The following EXOC6B variants were observed in gnomAD, a reference collection of about 807,000 sequenced individuals.
EXOC6B encodes the protein SEC15 homolog B.
Under a neutral mutation model 113.5 loss-of-function variants are expected in EXOC6B, and 54 were observed. The observed-to-expected ratio is 0.48, with a 90% CI of 0.38 to 0.60. The LOEUF is 0.60. Ranked by LOEUF, EXOC6B falls within the 20% of genes least tolerant of loss-of-function variation. The pLI is 0.00. For synonymous variants in EXOC6B, 357 were observed against 339.0 expected (o/e 1.05, Z -0.58); for missense variants, 797 against 977.5 (o/e 0.82, Z 2.46).
intron 11 of EXOC6B, among the ~76,000 whole-genome samples, chr2:72,508,652 T>G (rs928217613): frequency 1.3e-5 from 2 of 152,044 alleles, no homozygotes; most frequent in Non-Finnish European, 2.9e-5. Flanking sequence ...CAGGCACCTG[T>G]AATTCCAGCT....
intron 20 of EXOC6B, among the ~76,000 whole-genome samples, chr2:72,315,947 C>T (rs1687489627): frequency 6.6e-6 from 1 of 152,144 alleles, no homozygotes; most frequent in Non-Finnish European, 1.5e-5. Context: ...ATCAGTCTTA[C>T]TCAAAACTCC....
intron 18 of EXOC6B, among the ~76,000 whole-genome samples, chr2:72,405,237 G>T (rs780664851): frequency 4.6e-5 from 7 of 152,224 alleles, no homozygotes; most frequent in African/African-American, 1.4e-4. Flanking sequence ...TGGTGTACTT[G>T]AAAGTGACAG....
chr2:72,669,122 T>A (rs753231659), intron 6 of EXOC6B, among the ~76,000 whole-genome samples: 2 of 151,898 alleles, frequency 1.3e-5, no homozygotes, highest in Non-Finnish European at 2.9e-5. Flanking sequence ...ATAAATTCTA[T>A]TAGTTTAAAG....
chr2:72,695,177 GA>G (rs1270956679), intron 6 of EXOC6B, among the ~76,000 whole-genome samples: 1 of 152,192 alleles, frequency 6.6e-6, no homozygotes. Flanking sequence ...CATGGAAGAA[GA>G]ATTCTCTTTA....
At chr2:72,683,909 C>G (rs913003124) in intron 6 of EXOC6B, among the ~76,000 whole-genome samples, 12 of 152,150 alleles carry the variant, frequency 7.9e-5, no homozygotes, top group African/African-American at 2.7e-4. Flanking sequence ...AGATAATTCT[C>G]TATCTAGGCC....
At chr2:72,527,459 T>C (rs760996731) in intron 8 of EXOC6B, among the ~76,000 whole-genome samples, 1 of 152,026 alleles carries the variant, frequency 6.6e-6, no homozygotes, top group South Asian at 2.1e-4. Flanking sequence ...TTAAAGAACA[T>C]CTAGGTTGTT....
At chr2:72,223,864 A>G (rs1681032927) in intron 20 of EXOC6B, among the ~76,000 whole-genome samples, 1 of 152,194 alleles carries the variant, frequency 6.6e-6, no homozygotes, top group African/African-American at 2.4e-5. Context: ...GGGTAAACAC[A>G]CTGCTCTGTC....
intron 19 of EXOC6B, among the ~76,000 whole-genome samples, chr2:72,358,685 T>C (rs550868321): frequency 2.6e-5 from 4 of 152,334 alleles, no homozygotes; most frequent in Non-Finnish European, 2.9e-5. Flanking sequence ...TGTATTATAT[T>C]GCTGGCATAT....
At chr2:72,407,964 C>T (rs1693895995) in intron 18 of EXOC6B, among the ~76,000 whole-genome samples, 2 of 152,264 alleles carry the variant, frequency 1.3e-5, no homozygotes, top group South Asian at 2.1e-4. Flanking sequence ...ATCTAGAAAA[C>T]CCCATCGTCT....
chr2:72,251,609 G>C (rs1573092538), intron 20 of EXOC6B, among the ~76,000 whole-genome samples: 1 of 152,246 alleles, frequency 6.6e-6, no homozygotes, highest in East Asian at 1.9e-4. Context: ...AAAGTTTCAA[G>C]ACATAATTTC....
chr2:72,778,694 T>A (rs560576417), intron 1 of EXOC6B, among the ~76,000 whole-genome samples: 1 of 152,270 alleles, frequency 6.6e-6, no homozygotes, highest in East Asian at 1.9e-4. Flanking sequence ...GGACTACAAA[T>A]CATGACTAAG....
Position 72,501,728 on chromosome 2 carries a change from C to CA in EXOC6B, c.1168-1757dup, listed in dbSNP as rs550029242. 4.2e-3 allele frequency among the ~76,000 whole-genome samples: 586 copies of CA among 138,924 alleles called. 2 individuals are homozygous for CA. Among genetic ancestry groups the CA allele is most frequent in the African/African-American group, 0.011 (409 of 37,690 alleles). The allele number at this position is 138,924 out of a possible 152,430, so 91.1% of individuals were successfully genotyped here. A position where few individuals can be genotyped will look rare whatever the true frequency, so the allele number is the denominator to read the frequency against. On this transcript the variant is annotated intron_variant, in intron 11 of 21. Coordinates refer to ENST00000272427, the MANE Select transcript of EXOC6B (RefSeq NM_015189.3). ...TCTTCATTAAAAAAACAACAACAACCAAAAAAAAAACCAAAACAAAACAGA... is the reference window on the plus strand; with the variant it reads ...TCTTCATTAAAAAAACAACAACAACCAAAAAAAAAAACCAAAACAAAACAGA...
intron 18 of EXOC6B, among the ~76,000 whole-genome samples, chr2:72,406,154 T>C (rs1382734276): frequency 6.6e-6 from 1 of 152,196 alleles, no homozygotes; most frequent in African/African-American, 2.4e-5. Context: ...AAGAGCTCAC[T>C]ATCCTAAATA....
Position 72,253,148 on chromosome 2 carries a change from C to A in EXOC6B, c.2197-68961G>T, listed in dbSNP as rs72835278. On this transcript the variant is annotated intron_variant, in intron 20 of 21. Coordinates refer to ENST00000272427, the MANE Select transcript of EXOC6B (RefSeq NM_015189.3). ...GAATGCAAATCAAAACCATGAGATA[C>A]CATCTCATACCAGTCACAATGGCTA... Among the ~76,000 whole-genome samples, 538 of 152,240 alleles carry A rather than the reference C, an allele frequency of 3.5e-3. 4 individuals are homozygous for A. Among genetic ancestry groups the A allele is most frequent in the Non-Finnish European group, 5.9e-3 (398 of 68,014 alleles).
At chr2:72,771,440 C>T (rs1309170381) in intron 1 of EXOC6B, among the ~76,000 whole-genome samples, 1 of 152,132 alleles carries the variant, frequency 6.6e-6, no homozygotes, top group East Asian at 1.9e-4. Context: ...CTCTCTCTTA[C>T]ATAATGATAG....
At chr2:72,375,865 T>C (rs865979434) in intron 19 of EXOC6B, among the ~76,000 whole-genome samples, 1 of 152,344 alleles carries the variant, frequency 6.6e-6, no homozygotes, top group Non-Finnish European at 1.5e-5. Context: ...TCAAGCCTTC[T>C]TCATGTGGTC....
chr2:72,425,934 T>C (rs1242989696), intron 18 of EXOC6B, among the ~76,000 whole-genome samples: 1 of 152,236 alleles, frequency 6.6e-6, no homozygotes, highest in Non-Finnish European at 1.5e-5. Context: ...TTTTTCTTAG[T>C]CTAGTCATGC....
At chr2:72,500,730 A>G (rs975466613) in intron 11 of EXOC6B, among the ~76,000 whole-genome samples, 1 of 152,232 alleles carries the variant, frequency 6.6e-6, no homozygotes, top group Non-Finnish European at 1.5e-5. Flanking sequence ...TGGGCAGGAT[A>G]CAAAGATGTG....
chr2:72,443,778 A>G lies in EXOC6B; in HGVS notation c.1980+21382T>C, dbSNP rs959417703. On this transcript the variant is annotated intron_variant, in intron 18 of 21. Coordinates refer to ENST00000272427, the MANE Select transcript of EXOC6B (RefSeq NM_015189.3). The stretch of plus-strand genomic sequence containing the variant: ...CATTACCACGAGAACAGTGTGGGAA[A>G]GATCTGCCCCCATGATTCAGTTACC... Among the ~76,000 whole-genome samples, 6 of 152,186 alleles carry G rather than the reference A, an allele frequency of 3.9e-5. No homozygotes were observed. In the East Asian group the frequency reaches 9.6e-4, roughly 24 times the overall value.
Sources: allele counts gnomAD v4.1 joint callset (sites outside exome capture counted in the v4.1 genomes callset), GRCh38; gene constraint gnomAD v4.1.1; transcripts MANE v1.5; gene names NCBI Gene and HGNC (gene_info 2026-07-23, HGNC 2026-07-21).